NEURL1: variants seen among roughly 807,000 people sequenced by gnomAD.
The protein encoded by NEURL1 is neuralized E3 ubiquitin protein ligase 1.
Under a neutral mutation model 41.2 loss-of-function variants are expected in NEURL1, and 26 were observed. That is an observed-to-expected ratio of 0.63 (90% CI 0.46 to 0.87). The LOEUF is 0.87. Among genes scored for constraint, NEURL1 ranks in the 40% least tolerant of loss-of-function variants. The pLI is 0.00. For synonymous variants in NEURL1, 400 were observed against 402.3 expected (o/e 0.99, Z 0.07); for missense variants, 761 against 871.1 (o/e 0.87, Z 1.59).
chr10:103,530,527 G>C (rs963532858), intron 1 of NEURL1, among the ~76,000 whole-genome samples: 1 of 151,040 alleles, frequency 6.6e-6, no homozygotes, highest in Non-Finnish European at 1.5e-5. Flanking sequence ...TTTAATTATG[G>C]TCAGAAATGA....
intron 1 of NEURL1, among the ~76,000 whole-genome samples, chr10:103,559,437 C>T (rs927933742): frequency 6.6e-6 from 1 of 151,862 alleles, no homozygotes; most frequent in African/African-American, 2.4e-5. Flanking sequence ...AGGCCCTTGC[C>T]TGCTGGACGG....
intron 3 of NEURL1, among the ~76,000 whole-genome samples, chr10:103,583,909 A>T (rs1298289560): frequency 6.6e-6 from 1 of 152,022 alleles, no homozygotes; most frequent in Non-Finnish European, 1.5e-5. Flanking sequence ...TGTATGATTT[A>T]AAAAAGAACG....
intron 1 of NEURL1, among the ~76,000 whole-genome samples, chr10:103,505,792 C>G (rs1305607089): frequency 6.6e-6 from 1 of 152,216 alleles, no homozygotes. Context: ...GAGCTGCTGC[C>G]GGGTACAGCA....
chr10:103,507,594 G>T (rs1304328431), intron 1 of NEURL1, among the ~76,000 whole-genome samples: 1 of 152,140 alleles, frequency 6.6e-6, no homozygotes, highest in Non-Finnish European at 1.5e-5. Flanking sequence ...GCACCTGGGG[G>T]CTCTGTGGAA....
At position 103,556,326 on chromosome 10, in the gene NEURL1, G is replaced by A. The variant is rs2035153986; in HGVS notation, c.86-14546G>A. On this transcript the variant is annotated intron_variant, in intron 1 of 5. Transcript: ENST00000369780. This position sits in a 1 kb window ranked among gnomAD's most constrained non-coding sequence, Gnocchi z 4.4. Reference sequence around the variant, plus strand: ...GACTTGTGTGTCTTCCCTGGGCCCTGGGAACTGGGGTCCTTTACAAACCAG... The same window carrying A: ...GACTTGTGTGTCTTCCCTGGGCCCTAGGAACTGGGGTCCTTTACAAACCAG... 6.6e-6 allele frequency among the ~76,000 whole-genome samples: 1 copy of A among 152,186 alleles called. No individual in the cohort carries two copies. Among genetic ancestry groups the A allele is most frequent in the African/African-American group, 2.4e-5 (1 of 41,450 alleles).
chr10:103,571,727 C>A lies in NEURL1; in HGVS notation c.554C>A (p.Ser185Ter). The A allele has an allele frequency of 6.2e-7, 1 of 1,614,198 alleles. No individual in the cohort carries two copies. The highest frequency in any genetic ancestry group is 8.5e-7 in the Non-Finnish European group (1 of 1,180,000). The change falls in exon 3 of 6, where the codon TCG (serine) becomes TAG (stop). Residue 185 changes from serine to a stop codon, truncating the protein, a stop_gained. Transcript: ENST00000369780. LOFTEE classifies it high-confidence loss of function. ...KGRVFHRIND[S>*]AVMLFFSGVR... ...CGTGTCTTCCACCGCATCAACGACT[C>A]GGCTGTTATGCTGTTCTTCAGCGGG...
Position 103,494,545 on chromosome 10 carries a change from G to A in NEURL1, c.85+73G>A, listed in dbSNP as rs966262506. On this transcript the variant is annotated intron_variant, in intron 1 of 5. Transcript: ENST00000369780. ...GGGCCAGGGAGGTGTGGTTGGGGAG[G>A]GCGGGCAGACGCCACCTGTTGTGCG... is the stretch of plus-strand genomic sequence containing the variant. The A allele has an allele frequency of 1.7e-5, 23 of 1,337,726 alleles. No individual in the cohort carries two copies. In the African/African-American group the frequency reaches 3.4e-4, roughly 20 times the overall value. 82.9% of individuals were successfully genotyped at this position (1,337,726 alleles called of 1,614,324 possible). A position where few individuals can be genotyped will look rare whatever the true frequency, so the allele number is the denominator to read the frequency against.
Position 103,494,186 on chromosome 10 carries a change from C to G in NEURL1, c.-202C>G. On this transcript the variant is annotated 5_prime_UTR_variant, in exon 1 of 6. Coordinates refer to ENST00000369780, the MANE Select transcript of NEURL1 (RefSeq NM_004210.5). ...AGGTAGCCCAGCCTGCGCCAGGACA[C>G]CCGTGGCGGGCGGAACCCGCCAAGG... 2.0e-6 allele frequency: 1 copy of G among 501,520 alleles called. No homozygotes were observed. The highest frequency in any genetic ancestry group is 3.5e-6 in the Non-Finnish European group (1 of 286,276). 31.1% of individuals were successfully genotyped at this position (501,520 alleles called of 1,614,324 possible). A position where few individuals can be genotyped will look rare whatever the true frequency, so the allele number is the denominator to read the frequency against.
chr10:103,541,359 C>G (rs994254003), intron 1 of NEURL1, among the ~76,000 whole-genome samples: 1 of 152,116 alleles, frequency 6.6e-6, no homozygotes, highest in Non-Finnish European at 1.5e-5. Flanking sequence ...GACCTCAGTG[C>G]AAGTGGGACC....
At chr10:103,580,426 T>G (rs1188698930) in intron 3 of NEURL1, among the ~76,000 whole-genome samples, 1 of 152,052 alleles carries the variant, frequency 6.6e-6, no homozygotes, top group Non-Finnish European at 1.5e-5. Flanking sequence ...GCCCATCTGG[T>G]TTTTCTAAGC....
At chr10:103,562,174 G>A (rs1311947965) in intron 1 of NEURL1, among the ~76,000 whole-genome samples, 1 of 152,200 alleles carries the variant, frequency 6.6e-6, no homozygotes, top group Non-Finnish European at 1.5e-5. Context: ...CATGAGGTCA[G>A]GAGTTCGAGA....
rs2036046922 is a variant in NEURL1, at chr10:103,591,526, G to T, written c.*1154G>T. 6.6e-6 allele frequency: 1 copy of T among 152,214 alleles called. No homozygotes were observed. The highest frequency in any genetic ancestry group is 1.5e-5 in the Non-Finnish European group (1 of 68,062). 9.4% of individuals were successfully genotyped at this position (152,214 alleles called of 1,614,324 possible). On this transcript the variant is annotated 3_prime_UTR_variant, in exon 6 of 6. Transcript: ENST00000369780. ...CCTGGGAAAGGGTGTGGCTGAGGCAGTCATAATGCAGTATCTTCCCCTGAC... is the reference window on the plus strand; with the variant it reads ...CCTGGGAAAGGGTGTGGCTGAGGCATTCATAATGCAGTATCTTCCCCTGAC...
At chr10:103,505,041 C>G (rs1158493322) in intron 1 of NEURL1, among the ~76,000 whole-genome samples, 3 of 138,118 alleles carry the variant, frequency 2.2e-5, no homozygotes, top group East Asian at 4.3e-4. Flanking sequence ...TAATAGCTCT[C>G]CTGTATCTTT....
intron 1 of NEURL1, among the ~76,000 whole-genome samples, chr10:103,564,558 G>C (rs2035377497): frequency 6.6e-6 from 1 of 152,254 alleles, no homozygotes; most frequent in Admixed American, 6.5e-5. Flanking sequence ...AGGAGCTCTA[G>C]TACCACAGGC....
At chr10:103,497,820 C>T (rs1041818827) in intron 1 of NEURL1, among the ~76,000 whole-genome samples, 2 of 152,122 alleles carry the variant, frequency 1.3e-5, no homozygotes, top group Non-Finnish European at 2.9e-5. Flanking sequence ...ACTCAAAAGG[C>T]ATGGATGAGG....
intron 1 of NEURL1, among the ~76,000 whole-genome samples, chr10:103,531,407 A>AT (rs1433407946): frequency 3.3e-5 from 5 of 151,848 alleles, no homozygotes; most frequent in South Asian, 4.2e-4. Context: ...AAACATTTTT[A>AT]TTTTTTTTAT....
At chr10:103,506,613 A>G (rs10883877) in intron 1 of NEURL1, among the ~76,000 whole-genome samples, 77,756 of 150,906 alleles carry the variant, frequency 0.52, 21,213 homozygotes, top group African/African-American at 0.69. Flanking sequence ...AGGCTGGAGT[A>G]TAGTGGTGCA....
At chr10:103,573,144 A>G (rs1315621984) in intron 3 of NEURL1, among the ~76,000 whole-genome samples, 1 of 152,174 alleles carries the variant, frequency 6.6e-6, no homozygotes, top group East Asian at 1.9e-4. Flanking sequence ...AGCTGTTTTT[A>G]TTAGCTAGTA....
intron 1 of NEURL1, among the ~76,000 whole-genome samples, chr10:103,541,198 C>G (rs1355938757): frequency 6.6e-6 from 1 of 152,106 alleles, no homozygotes; most frequent in African/African-American, 2.4e-5. Flanking sequence ...TGAGGTGATG[C>G]AGGTCGTGTG....
Sources: allele counts gnomAD v4.1 joint callset (sites outside exome capture counted in the v4.1 genomes callset), GRCh38; gene constraint gnomAD v4.1.1; non-coding constraint Gnocchi (gnomAD v3.1); transcripts MANE v1.5; gene names NCBI Gene and HGNC (gene_info 2026-07-23, HGNC 2026-07-21).